The following THSD4 variants were observed in gnomAD, a reference collection of about 807,000 sequenced individuals.
THSD4 encodes the protein thrombospondin type 1 domain containing 4, also known as thrombospondin type-1 domain-containing protein 4.
THSD4 carries 69 observed loss-of-function variants against 119.0 expected under a neutral mutation model. The ratio of observed to expected loss-of-function variants is 0.58; its 90% confidence interval spans 0.48 to 0.71. The LOEUF is 0.71. Among genes scored for constraint, THSD4 ranks in the 30% least tolerant of loss-of-function variants. The pLI, the probability that THSD4 is intolerant of heterozygous loss-of-function variation, is 0.00. For synonymous variants in THSD4, 524 were observed against 540.4 expected (o/e 0.97, Z 0.42); for missense variants, 1,393 against 1,391.1 (o/e 1.00, Z -0.02).
chr15:71,748,703 T>C, intron 14 of THSD4, 109 bp downstream of exon 14: 2 of 1,374,886 alleles, frequency 1.5e-6, no homozygotes, highest in Non-Finnish European at 1.9e-6. Context: ...TTTCTGGCTC[T>C]GGGGGGAAAA....
chr15:71,144,858 T>C (rs2040641309), intron 2 of THSD4, among the ~76,000 whole-genome samples: 1 of 152,212 alleles, frequency 6.6e-6, no homozygotes, highest in African/African-American at 2.4e-5. Flanking sequence ...GGATGCCATG[T>C]AAAATTCAGG....
At chr15:71,539,016 AC>A (rs1229184441) in intron 7 of THSD4, among the ~76,000 whole-genome samples, 2 of 152,208 alleles carry the variant, frequency 1.3e-5, no homozygotes, top group Non-Finnish European at 2.9e-5. Context: ...CCTGATAGTT[AC>A]AAGTGCTGAT....
Position 71,777,547 on chromosome 15 carries a change from C to T in THSD4, c.*173C>T. On this transcript the variant is annotated 3_prime_UTR_variant, in exon 18 of 18. Coordinates refer to ENST00000261862, the MANE Select transcript of THSD4 (RefSeq NM_024817.3). Reference sequence around the variant, plus strand: ...CCCCGTGGTACCCAGGGGCTTTTTACACAAGATGTTTGAAAGCCACAGTCA... The same window carrying T: ...CCCCGTGGTACCCAGGGGCTTTTTATACAAGATGTTTGAAAGCCACAGTCA... 1 of 835,016 alleles carries T rather than the reference C, an allele frequency of 1.2e-6. No homozygotes were observed. The highest frequency in any genetic ancestry group is 1.8e-5 in the South Asian group (1 of 55,840). 51.7% of individuals were successfully genotyped at this position (835,016 alleles called of 1,614,324 possible). A position where few individuals can be genotyped will look rare whatever the true frequency, so the allele number is the denominator to read the frequency against.
At chr15:71,341,097 C>G in intron 6 of THSD4, 2 of 1,182,642 alleles carry the variant, frequency 1.7e-6, no homozygotes, top group South Asian at 1.3e-5. Flanking sequence ...ATTGTCTCTT[C>G]TGTCTTCCCT....
intron 14 of THSD4, among the ~76,000 whole-genome samples, chr15:71,750,754 T>G (rs1022944874): frequency 1.3e-5 from 2 of 152,196 alleles, no homozygotes; most frequent in Non-Finnish European, 2.9e-5. Flanking sequence ...GGAGAGTAAG[T>G]GCTGATCTGG....
At chr15:71,154,763 TC>T (rs201759288) in intron 2 of THSD4, 99 bp from the exon 3 acceptor site, 90 of 1,216,966 alleles carry the variant, frequency 7.4e-5, no homozygotes, top group Admixed American at 1.2e-4. Flanking sequence ...GTTGGGCTGT[TC>T]CCCCCCCATC....
chr15:71,714,963 A>G (rs942167527), intron 8 of THSD4, among the ~76,000 whole-genome samples: 2 of 152,338 alleles, frequency 1.3e-5, no homozygotes, highest in South Asian at 2.1e-4. Context: ...TACCTGTTCA[A>G]CTAGTGAGTG....
chr15:71,341,792 CTCTTT>C, intron 6 of THSD4: 2 of 775,458 alleles, frequency 2.6e-6, no homozygotes, highest in Non-Finnish European at 4.8e-6. Flanking sequence ...CCTCACAACC[CTCTTT>C]TCTTCCTTCC....
At chr15:71,546,589 A>G (rs1001001162) in intron 7 of THSD4, among the ~76,000 whole-genome samples, 3 of 152,106 alleles carry the variant, frequency 2.0e-5, no homozygotes, top group East Asian at 1.9e-4. Flanking sequence ...ACTTGTTCCC[A>G]TGTTACCACC....
chr15:71,578,841 T>C (rs2049505047), intron 7 of THSD4, among the ~76,000 whole-genome samples: 1 of 124,090 alleles, frequency 8.1e-6, no homozygotes, highest in Admixed American at 1.0e-4. Context: ...TGGACTGCAT[T>C]AACTTTTTTT....
intron 8 of THSD4, among the ~76,000 whole-genome samples, chr15:71,687,930 GTC>G (rs534156204): frequency 4.4e-4 from 67 of 152,296 alleles, no homozygotes; most frequent in African/African-American, 1.5e-3. Context: ...CTTATTGAGA[GTC>G]TGTTATGAGC....
At chr15:71,284,249 A>G (rs1470917326) in intron 6 of THSD4, among the ~76,000 whole-genome samples, 1 of 152,210 alleles carries the variant, frequency 6.6e-6, no homozygotes, top group Admixed American at 6.5e-5. Context: ...TATTGAGGAA[A>G]AAAGATATGA....
chr15:71,293,406 G>A (rs185792403), intron 6 of THSD4, among the ~76,000 whole-genome samples: 18 of 152,258 alleles, frequency 1.2e-4, no homozygotes, highest in African/African-American at 4.3e-4. Context: ...CATGGTGCCT[G>A]TTTCCTGGGT....
chr15:71,302,646 A>G (rs914726412), intron 6 of THSD4, among the ~76,000 whole-genome samples: 6 of 152,052 alleles, frequency 3.9e-5, no homozygotes, highest in Non-Finnish European at 8.8e-5. Flanking sequence ...TTGGATCTGT[A>G]TCCAAACATG....
At chr15:71,442,660 G>GTGTGTGTGTGTATGTATA in intron 7 of THSD4, among the ~76,000 whole-genome samples, 1 of 25,818 alleles carries the variant, frequency 3.9e-5, no homozygotes, top group Non-Finnish European at 9.2e-5. Flanking sequence ...GTGTGTGTGT[G>GTGTGTGTGTGTATGTATA]TATATATATA....
chr15:71,594,944 C>T (rs985981719), intron 7 of THSD4, among the ~76,000 whole-genome samples: 1 of 151,010 alleles, frequency 6.6e-6, no homozygotes, highest in Non-Finnish European at 1.5e-5. Flanking sequence ...GACATCTGAG[C>T]TAGGTGTCAA....
At chr15:71,356,158 A>G (rs2415115) in intron 6 of THSD4, among the ~76,000 whole-genome samples, 93,747 of 152,028 alleles carry the variant, frequency 0.62, 29,082 homozygotes, top group East Asian at 0.74. Context: ...GTGAGCCACC[A>G]TGCCTGGCCC....
chr15:71,777,567 C>A lies in THSD4; in HGVS notation c.*193C>A. 1.5e-6 allele frequency: 1 copy of A among 685,450 alleles called. No homozygotes were observed. The highest frequency in any genetic ancestry group is 2.4e-6 in the Non-Finnish European group (1 of 415,640). The allele number at this position is 685,450 out of a possible 1,614,324, so 42.5% of individuals were successfully genotyped here. ...TTTTACACAAGATGTTTGAAAGCCACAGTCAGTCCTTTAAGCATCACCATG... is the reference window on the plus strand; with the variant it reads ...TTTTACACAAGATGTTTGAAAGCCAAAGTCAGTCCTTTAAGCATCACCATG... On this transcript the variant is annotated 3_prime_UTR_variant, in exon 18 of 18. Coordinates refer to ENST00000261862, the MANE Select transcript of THSD4 (RefSeq NM_024817.3).
chr15:71,378,182 AT>A (rs1389560068), intron 6 of THSD4, among the ~76,000 whole-genome samples: 1 of 152,206 alleles, frequency 6.6e-6, no homozygotes, highest in East Asian at 1.9e-4. Context: ...TGATGTGTAT[AT>A]TTATTAGAAC....
Sources: gnomAD v4.1 joint callset for allele counts (sites outside exome capture counted in the v4.1 genomes callset) on GRCh38, gnomAD v4.1.1 for gene constraint, MANE v1.5 for transcripts, NCBI Gene and HGNC (gene_info 2026-07-23, HGNC 2026-07-21) for gene names.